The following PHF2 variants were observed in gnomAD, a reference collection of about 807,000 sequenced individuals.
PHF2 encodes lysine-specific demethylase PHF2.
PHF2 carries 27 observed loss-of-function variants against 120.5 expected under a neutral mutation model. That is an observed-to-expected ratio of 0.22 (90% CI 0.17 to 0.31). The LOEUF is 0.31. Among genes scored for constraint, PHF2 ranks in the 10% least tolerant of loss-of-function variants. The pLI, the probability that PHF2 is intolerant of heterozygous loss-of-function variation, is 1.00. For missense variants in PHF2, 1,024 were observed against 1,434.8 expected (o/e 0.71, Z 4.63); for synonymous variants, 568 against 592.5 (o/e 0.96, Z 0.60).
intron 3 of PHF2, among the ~76,000 whole-genome samples, chr9:93,640,252 CATT>C (rs1826154772): frequency 6.6e-6 from 1 of 152,084 alleles, no homozygotes; most frequent in Non-Finnish European, 1.5e-5. Context: ...AATTCTCAGC[CATT>C]ATTAATTCAA....
chr9:93,671,074 C>T (rs1826774489), intron 17 of PHF2: 1 of 850,346 alleles, frequency 1.2e-6, no homozygotes, highest in South Asian at 6.0e-5. Context: ...GGTGGGGGTG[C>T]AGGGTGGGGG....
At chr9:93,632,247 C>T (rs1186787019) in intron 2 of PHF2, among the ~76,000 whole-genome samples, 1 of 152,186 alleles carries the variant, frequency 6.6e-6, no homozygotes, top group Non-Finnish European at 1.5e-5. Flanking sequence ...GCCAGCTGCC[C>T]AGGGAGAGAC....
At chr9:93,636,272 C>T (rs1318934285) in intron 2 of PHF2, 139 bp from the exon 3 acceptor site, 1 of 636,634 alleles carries the variant, frequency 1.6e-6, no homozygotes, top group Admixed American at 2.7e-5. Context: ...GGGGTGTCAT[C>T]AGTCTTGAGA....
chr9:93,617,210 C>T lies in PHF2; in HGVS notation c.99-12760C>T, dbSNP rs1825743677. On this transcript the variant is annotated intron_variant, in intron 1 of 21. Transcript: ENST00000359246. The stretch of plus-strand genomic sequence containing the variant: ...TCCCCTGAAGGCAACCCCTAGCCCA[C>T]TCAAGTCCTCATAGGAGGCTGCACC... 2.0e-5 allele frequency among the ~76,000 whole-genome samples: 3 copies of T among 152,286 alleles called. No homozygotes were observed. In the South Asian group the frequency reaches 6.2e-4, roughly 32 times the overall value.
intron 4 of PHF2, among the ~76,000 whole-genome samples, chr9:93,646,600 C>CTCTTCCTCTGTGCA (rs1182160950): frequency 1.3e-5 from 2 of 152,202 alleles, no homozygotes; most frequent in Admixed American, 6.5e-5. Flanking sequence ...GAGGCTCACT[C>CTCTTCCTCTGTGCA]TCTTCCTCTG....
In PHF2 at chr9:93,675,748, G is replaced by A. The variant is rs142241095; in HGVS notation, c.2791G>A (p.Glu931Lys). 4.8e-5 allele frequency: 78 copies of A among 1,612,778 alleles called. No homozygotes were observed. The highest frequency in any genetic ancestry group is 6.4e-5 in the Non-Finnish European group (75 of 1,179,916). The part of the protein sequence containing the change: ...VREGTRVASI[E>K]TGLAAAAAKL... ...TGAGGGTACACGGGTGGCTTCCATCGAGACCGGGCTGGCGGCTGCTGCAGC... is the reference window on the plus strand; with the variant it reads ...TGAGGGTACACGGGTGGCTTCCATCAAGACCGGGCTGGCGGCTGCTGCAGC... Residue 931 changes from glutamate (E) to lysine (K), a missense_variant, in exon 20 of 22, where the codon GAG becomes AAG. By Grantham distance (56) the Glu-to-Lys change is moderately conservative. This residue lies in a region of PHF2 where 677 missense variants were observed against 857.4 expected (regional missense o/e 0.79). Transcript: ENST00000359246.
At chr9:93,609,415 T>A (rs1335179703) in intron 1 of PHF2, among the ~76,000 whole-genome samples, 1 of 152,190 alleles carries the variant, frequency 6.6e-6, no homozygotes, top group Non-Finnish European at 1.5e-5. Flanking sequence ...TCATTTTCCT[T>A]CTCTCTGAAG....
Position 93,673,759 on chromosome 9 carries a change from A to T in PHF2, c.2523A>T (p.Ala841=), listed in dbSNP as rs1826853602. ...RKNGGGSGKS[A]GKRLLKRAAK... ...ATGGGGGTGGCAGTGGCAAGAGTGCAGGCAAACGACTGCTGAAGAGGGCTG... is the reference window on the plus strand; with the variant it reads ...ATGGGGGTGGCAGTGGCAAGAGTGCTGGCAAACGACTGCTGAAGAGGGCTG... Residue 841 remains alanine (A), a synonymous_variant, in exon 18 of 22, where the codon GCA becomes GCT. Transcript: ENST00000359246. 2 of 1,613,308 alleles carry T rather than the reference A, an allele frequency of 1.2e-6. No homozygotes were observed. Among genetic ancestry groups the T allele is most frequent in the Non-Finnish European group, 1.7e-6 (2 of 1,179,784 alleles).
intron 1 of PHF2, among the ~76,000 whole-genome samples, chr9:93,621,001 A>G (rs571770470): frequency 1.3e-5 from 2 of 152,370 alleles, no homozygotes; most frequent in Admixed American, 6.5e-5. Flanking sequence ...TCCTTGGCAT[A>G]TAGCCACAGC....
rs2117958572 is a variant in PHF2 at position 93,656,759 on chromosome 9, A to G, written c.1147+164A>G. ...TGGGGCTCAGTTTCCCCATCTGTAT[A>G]ATGCAGGACTAGATTGAACAGGCTG... On this transcript the variant is annotated intron_variant, in intron 9 of 21. Coordinates refer to ENST00000359246, the MANE Select transcript of PHF2 (RefSeq NM_005392.4). This position sits in a 1 kb window ranked among gnomAD's most constrained non-coding sequence, Gnocchi z 4.1. Among the ~76,000 whole-genome samples, 1 of 152,114 alleles carries G rather than the reference A, an allele frequency of 6.6e-6. No individual in the cohort carries two copies. Among genetic ancestry groups the G allele is most frequent in the South Asian group, 2.1e-4 (1 of 4,822 alleles).
chr9:93,588,156 G>A (rs927831831), intron 1 of PHF2, among the ~76,000 whole-genome samples: 1 of 152,218 alleles, frequency 6.6e-6, no homozygotes, highest in African/African-American at 2.4e-5. Context: ...CAGCTCTGCG[G>A]ACCTGTTTAT....
In PHF2 at chr9:93,636,393, T is replaced by C. The variant is rs1190500612; in HGVS notation, c.185-18T>C. On this transcript the variant is annotated intron_variant, in intron 2 of 21. Coordinates refer to ENST00000359246, the MANE Select transcript of PHF2 (RefSeq NM_005392.4). ...GGCTGCGCTGTGTGACCGACCTTGC[T>C]TCCGGTCTCCTCCACAGTAAAGAAG... The C allele has an allele frequency of 1.3e-6, 2 of 1,585,540 alleles. No homozygotes were observed. Among genetic ancestry groups the C allele is most frequent in the Non-Finnish European group, 1.7e-6 (2 of 1,164,584 alleles).
intron 1 of PHF2, among the ~76,000 whole-genome samples, chr9:93,624,802 G>A (rs1223446066): frequency 6.6e-6 from 1 of 151,340 alleles, no homozygotes. Context: ...GGCAGTGCTG[G>A]TGATGGTGAT....
intron 1 of PHF2, among the ~76,000 whole-genome samples, chr9:93,628,267 C>A (rs1825945756): frequency 6.6e-6 from 1 of 152,140 alleles, no homozygotes; most frequent in South Asian, 2.1e-4. Context: ...AGGAAATGTT[C>A]CCCCCTCTTC....
At chr9:93,608,933 T>A (rs1259160031) in intron 1 of PHF2, among the ~76,000 whole-genome samples, 3 of 151,986 alleles carry the variant, frequency 2.0e-5, no homozygotes, top group Non-Finnish European at 2.9e-5. Context: ...ATACCGTATT[T>A]GTTACTGTTT....
chr9:93,628,902 T>A (rs915411894), intron 1 of PHF2, among the ~76,000 whole-genome samples: 5 of 151,372 alleles, frequency 3.3e-5, no homozygotes, highest in Non-Finnish European at 7.4e-5. Context: ...CTCACGTCAC[T>A]TTTTTTTTGT....
In PHF2 at chr9:93,677,450, C is replaced by G; in HGVS notation, c.3203-138C>G. The G allele has an allele frequency of 2.9e-6, 2 of 691,142 alleles. No individual in the cohort carries two copies. Among genetic ancestry groups the G allele is most frequent in the Non-Finnish European group, 5.2e-6 (2 of 385,658 alleles). 42.8% of individuals were successfully genotyped at this position (691,142 alleles called of 1,614,324 possible). On this transcript the variant is annotated intron_variant, in intron 21 of 21. Transcript: ENST00000359246. This position sits in a 1 kb window ranked among gnomAD's most constrained non-coding sequence, Gnocchi z 4.4. ...AAGGGTGCTGAGCTCGGAGCTGGGG[C>G]TTCATAGGCCCATTTTACAGATGGG...
In PHF2 at chr9:93,673,071, G is replaced by T. The variant is rs1181724244; in HGVS notation, c.2349-514G>T. On this transcript the variant is annotated intron_variant, in intron 17 of 21. Coordinates refer to ENST00000359246, the MANE Select transcript of PHF2 (RefSeq NM_005392.4). ...TCACTGGGGAAAGCGTGTGCCATGG[G>T]AGGGAGTGGGCTACGCTGCCCCATC... Among the ~76,000 whole-genome samples, 4 of 151,864 alleles carry T rather than the reference G, an allele frequency of 2.6e-5. No individual in the cohort carries two copies. The South Asian group carries it at 8.3e-4, about 31-fold the overall frequency.
Position 93,668,212 on chromosome 9 carries a change from A to G in PHF2, c.2348+972A>G, listed in dbSNP as rs1351695421. On this transcript the variant is annotated intron_variant, in intron 17 of 21. Coordinates refer to ENST00000359246, the MANE Select transcript of PHF2 (RefSeq NM_005392.4). ...TATTTTAATGGGAGTGAAGCATGAC[A>G]GGAGGCTTCCATAGCGCCTTAGGGG... Among the ~76,000 whole-genome samples, 3 of 152,336 alleles carry G rather than the reference A, an allele frequency of 2.0e-5. No individual in the cohort carries two copies. In the East Asian group the frequency reaches 5.8e-4, roughly 29 times the overall value.
Sources: gnomAD v4.1 joint callset for allele counts (sites outside exome capture counted in the v4.1 genomes callset) on GRCh38, gnomAD v4.1.1 for gene constraint, gnomAD v4.1.1 regional missense constraint, Gnocchi (gnomAD v3.1) non-coding constraint, MANE v1.5 for transcripts, NCBI Gene and HGNC (gene_info 2026-07-23, HGNC 2026-07-21) for gene names.